Variants in FUT8 observed in about 807,000 individuals in gnomAD.
FUT8 encodes the protein fucosyltransferase 8.
FUT8 carries 29 observed loss-of-function variants against 71.3 expected under a neutral mutation model. The ratio of observed to expected loss-of-function variants is 0.41; its 90% CI spans 0.30 to 0.55. The LOEUF (loss-of-function observed/expected upper bound fraction) is 0.55, where lower values mean the gene tolerates loss of function less well. Among genes scored for constraint, FUT8 ranks in the 20% least tolerant of loss-of-function variants. FUT8 has a pLI of 0.34. For synonymous variants in FUT8, 254 were observed against 239.3 expected (o/e 1.06, Z -0.57); for missense variants, 544 against 702.1 (o/e 0.77, Z 2.55).
chr14:65,618,390 C>T (rs1889420132), intron 5 of FUT8, among the ~76,000 whole-genome samples: 1 of 151,878 alleles, frequency 6.6e-6, no homozygotes, highest in Non-Finnish European at 1.5e-5. Context: ...CTTACAGTGC[C>T]ATTTAGTATG....
the FUT8 span, among the ~76,000 whole-genome samples, chr14:65,401,995 G>A: frequency 5.3e-5 from 8 of 151,684 alleles, no homozygotes; most frequent in Admixed American, 1.3e-4. Context: ...ACATGGAGGC[G>A]CAGCTTTTTA....
chr14:65,542,802 G>C (rs150598411), intron 2 of FUT8, among the ~76,000 whole-genome samples: 35 of 151,438 alleles, frequency 2.3e-4, no homozygotes, highest in African/African-American at 8.0e-4. Flanking sequence ...TTTTTTTTGA[G>C]ACGGAGTTTT....
At chr14:65,700,642 G>A (rs1271010402) in intron 7 of FUT8, among the ~76,000 whole-genome samples, 1 of 151,752 alleles carries the variant, frequency 6.6e-6, no homozygotes, top group Non-Finnish European at 1.5e-5. Flanking sequence ...CTCGTGATCC[G>A]CCCGCCTTGG....
At chr14:65,360,112 T>G in the FUT8 span, among the ~76,000 whole-genome samples, 1 of 152,236 alleles carries the variant, frequency 6.6e-6, no homozygotes, top group African/African-American at 2.4e-5. Context: ...ATTACAGGCA[T>G]GAGCCACTGC....
At chr14:65,606,719 T>C (rs900936712) in intron 3 of FUT8, among the ~76,000 whole-genome samples, 2 of 151,872 alleles carry the variant, frequency 1.3e-5, no homozygotes, top group African/African-American at 4.8e-5. Flanking sequence ...TGTTTTCTGA[T>C]GGGGGGAAAT....
At chr14:65,402,400 G>A in the FUT8 span, among the ~76,000 whole-genome samples, 1 of 151,942 alleles carries the variant, frequency 6.6e-6, no homozygotes, top group South Asian at 2.1e-4. Context: ...TGGGCGTGGT[G>A]GCTCACACCT....
intron 6 of FUT8, among the ~76,000 whole-genome samples, chr14:65,640,593 A>G (rs1454904459): frequency 6.6e-6 from 1 of 152,132 alleles, no homozygotes; most frequent in Non-Finnish European, 1.5e-5. Flanking sequence ...AACTTGGAAG[A>G]ATAACATCAT....
chr14:65,540,717 T>C (rs1056467069), intron 2 of FUT8, among the ~76,000 whole-genome samples: 1 of 152,230 alleles, frequency 6.6e-6, no homozygotes, highest in African/African-American at 2.4e-5. Context: ...AATGAAACAC[T>C]GTTGAGATGG....
chr14:65,538,828 G>C (rs1884501148), intron 2 of FUT8, among the ~76,000 whole-genome samples: 1 of 152,164 alleles, frequency 6.6e-6, no homozygotes, highest in South Asian at 2.1e-4. Flanking sequence ...GCTGAGGCAG[G>C]AGAATTGCTT....
At chr14:65,382,937 T>C in the FUT8 span, among the ~76,000 whole-genome samples, 1 of 152,134 alleles carries the variant, frequency 6.6e-6, no homozygotes, top group Non-Finnish European at 1.5e-5. Context: ...GAACTTCTTC[T>C]GTGTTATAGG....
At chr14:65,554,178 T>C (rs902577343) in intron 2 of FUT8, among the ~76,000 whole-genome samples, 5 of 152,034 alleles carry the variant, frequency 3.3e-5, no homozygotes, top group African/African-American at 1.2e-4. Flanking sequence ...TTTTTAGCTT[T>C]GTCTAATCTT....
intron 3 of FUT8, among the ~76,000 whole-genome samples, chr14:65,612,999 C>G (rs1473814689): frequency 6.6e-6 from 1 of 151,564 alleles, no homozygotes. Context: ...GAATAGTTCT[C>G]CTGTATTTTT....
chr14:65,682,016 T>A (rs1893062361), intron 7 of FUT8, among the ~76,000 whole-genome samples: 1 of 152,194 alleles, frequency 6.6e-6, no homozygotes, highest in Admixed American at 6.5e-5. Flanking sequence ...CAGAGACATA[T>A]GTGGCCTGCA....
In FUT8 at chr14:65,412,879, T is replaced by G; in HGVS notation, c.-661T>G. 6.8e-6 allele frequency: 1 copy of G among 146,816 alleles called. No individual in the cohort carries two copies. The highest frequency in any genetic ancestry group is 1.5e-5 in the Non-Finnish European group (1 of 68,186). The allele number at this position is 146,816 out of a possible 1,614,324, so 9.1% of individuals were successfully genotyped here. A position where few individuals can be genotyped will look rare whatever the true frequency, so the allele number is the denominator to read the frequency against. ...CCCTCCCCATCCCACCCCCGCCGCC[T>G]GGCCCCAGCCGACCCGTCCCTTCGT... On this transcript the variant is annotated 5_prime_UTR_variant, in exon 1 of 11. Transcript: ENST00000673929.
intron 2 of FUT8, among the ~76,000 whole-genome samples, chr14:65,456,545 T>G (rs1227083123): frequency 6.6e-6 from 1 of 151,944 alleles, no homozygotes; most frequent in East Asian, 1.9e-4. Flanking sequence ...ATAAAACTGC[T>G]GCAATCATAC....
chr14:65,650,990 A>G (rs186483091), intron 6 of FUT8, among the ~76,000 whole-genome samples: 69 of 152,140 alleles, frequency 4.5e-4, no homozygotes, highest in Admixed American at 7.9e-4. Flanking sequence ...TCCCACTCCC[A>G]CTGAACACTG....
intron 2 of FUT8, among the ~76,000 whole-genome samples, chr14:65,477,459 A>G (rs2066263927): frequency 6.6e-6 from 1 of 152,182 alleles, no homozygotes; most frequent in African/African-American, 2.4e-5. Context: ...TTCATTGAGC[A>G]TATATTTTTG....
In FUT8 at chr14:65,542,790, A is replaced by AT. The variant is rs940661391; in HGVS notation, c.-227-18538dup. Among the ~76,000 whole-genome samples the AT allele has an allele frequency of 1.4e-3, 215 of 150,460 alleles. 2 individuals are homozygous for AT. Among genetic ancestry groups the AT allele is most frequent in the Admixed American group, 1.5e-3 (23 of 15,076 alleles). The stretch of plus-strand genomic sequence containing the variant: ...TGTTGTATATGACTAGGAATTTTTT[A>AT]TTTTTTTTTGAGACGGAGTTTTGCT... On this transcript the variant is annotated intron_variant, in intron 2 of 10. Coordinates refer to ENST00000673929, the MANE Select transcript of FUT8 (RefSeq NM_001371533.1).
chr14:65,477,068 G>C (rs535560565), intron 2 of FUT8, among the ~76,000 whole-genome samples: 1 of 152,224 alleles, frequency 6.6e-6, no homozygotes, highest in East Asian at 1.9e-4. Context: ...TGAAGATTCT[G>C]AGTATTTCTG....
Sources: gnomAD v4.1 joint callset for allele counts (sites outside exome capture counted in the v4.1 genomes callset) on GRCh38, gnomAD v4.1.1 for gene constraint, MANE v1.5 for transcripts, NCBI Gene and HGNC (gene_info 2026-07-23, HGNC 2026-07-21) for gene names.